ADK: variants seen among roughly 807,000 people sequenced by gnomAD.
ADK encodes N6,N6-dimethyladenosine kinase.
Under a neutral mutation model 44.7 loss-of-function variants are expected in ADK, and 24 were observed. The observed-to-expected ratio is 0.54, with a 90% CI of 0.39 to 0.76. The LOEUF is 0.76. Among genes scored for constraint, ADK ranks in the 30% least tolerant of loss-of-function variants. The probability of loss-of-function intolerance (pLI) is 0.00; values close to 1 mark genes in which losing one functional copy is unlikely to be tolerated. For synonymous variants in ADK, 128 were observed against 142.6 expected, an observed-to-expected ratio of 0.90 and a Z score of 0.73; for missense variants, 321 against 425.1, an observed-to-expected ratio of 0.76 and a Z score of 2.15.
chr10:74,460,747 C>T (rs1205599713), intron 6 of ADK, among the ~76,000 whole-genome samples: 1 of 152,058 alleles, frequency 6.6e-6, no homozygotes, highest in Non-Finnish European at 1.5e-5. Context: ...TTGTTTGTGT[C>T]CTCTCCTCTG....
intron 1 of ADK, among the ~76,000 whole-genome samples, chr10:74,163,658 G>A (rs1248802940): frequency 6.6e-6 from 1 of 152,206 alleles, no homozygotes; most frequent in Non-Finnish European, 1.5e-5. Context: ...AAATTCAGAT[G>A]TCTTAGGTTT....
chr10:74,578,210 C>T lies in ADK; in HGVS notation c.727-11072C>T, dbSNP rs556859196. On this transcript the variant is annotated intron_variant, in intron 7 of 10. Coordinates refer to ENST00000539909, the MANE Select transcript of ADK (RefSeq NM_006721.4). ...CTCCCCATCTGAGGTCTTCTTTCTT[C>T]TTTTCATCTAATTTTAAGCACTGAT... 3.3e-5 allele frequency among the ~76,000 whole-genome samples: 5 copies of T among 152,254 alleles called. No individual in the cohort carries two copies. In the East Asian group the frequency reaches 9.6e-4, roughly 29 times the overall value.
At chr10:74,669,411 A>G (rs937563961) in intron 9 of ADK, among the ~76,000 whole-genome samples, 4 of 152,224 alleles carry the variant, frequency 2.6e-5, no homozygotes, top group Non-Finnish European at 5.9e-5. Flanking sequence ...TTCATGACAG[A>G]TAAGTCCATT....
intron 6 of ADK, among the ~76,000 whole-genome samples, chr10:74,452,469 T>C (rs189227268): frequency 2.6e-4 from 39 of 152,204 alleles, no homozygotes; most frequent in African/African-American, 8.4e-4. Context: ...ATTGAAGCCA[T>C]GAATTTGTAA....
intron 4 of ADK, chr10:74,371,748 G>A: frequency 7.2e-7 from 1 of 1,391,216 alleles, no homozygotes; most frequent in South Asian, 1.2e-5. Context: ...TGAAAACCCT[G>A]CTGATGTCAG....
At chr10:74,413,710 G>T (rs187252178) in intron 6 of ADK, among the ~76,000 whole-genome samples, 15 of 152,264 alleles carry the variant, frequency 9.9e-5, no homozygotes, top group Non-Finnish European at 8.8e-5. Context: ...TTTTCTTCAA[G>T]AACTTTTTCT....
At chr10:74,472,385 A>G (rs1846626680) in intron 6 of ADK, among the ~76,000 whole-genome samples, 1 of 152,044 alleles carries the variant, frequency 6.6e-6, no homozygotes, top group Admixed American at 6.5e-5. Flanking sequence ...GAATTTTGCC[A>G]AATAGTTTTT....
At chr10:74,474,434 T>C in intron 6 of ADK, among the ~76,000 whole-genome samples, 1 of 152,024 alleles carries the variant, frequency 6.6e-6, no homozygotes, top group Admixed American at 6.6e-5. Context: ...CAGTAGTCTT[T>C]TCTTTTCTTT....
In ADK at chr10:74,619,012, T is replaced by TTGTGTGTGTGTG. The variant is rs56168944; in HGVS notation, c.877+18555_877+18566dup. Among the ~76,000 whole-genome samples, 309 of 139,466 alleles carry TTGTGTGTGTGTG rather than the reference T, an allele frequency of 2.2e-3. 1 individual carries two copies. Among genetic ancestry groups the TTGTGTGTGTGTG allele is most frequent in the African/African-American group, 5.9e-3 (217 of 36,938 alleles). The allele number at this position is 139,466 out of a possible 152,430, so 91.5% of individuals were successfully genotyped here. On this transcript the variant is annotated intron_variant, in intron 9 of 10. Coordinates refer to ENST00000539909, the MANE Select transcript of ADK (RefSeq NM_006721.4). ...GTATCCCATATGCCTTTTATGCTCT[T>TTGTGTGTGTGTG]TGTGTGTGTGTGTGTGTGTGTGTGT... is the stretch of plus-strand genomic sequence containing the variant.
At chr10:74,529,324 G>A (rs1444503502) in intron 7 of ADK, 1 of 152,050 alleles carries the variant, frequency 6.6e-6, no homozygotes, top group East Asian at 1.9e-4. Context: ...AATTCATAGA[G>A]ACACATAGTA....
At chr10:74,188,803 T>C (rs1282610939) in intron 1 of ADK, among the ~76,000 whole-genome samples, 1 of 152,068 alleles carries the variant, frequency 6.6e-6, no homozygotes, top group East Asian at 1.9e-4. Context: ...GACGGAGTCT[T>C]GCTCTGTTGC....
intron 9 of ADK, among the ~76,000 whole-genome samples, chr10:74,625,064 G>C (rs1384844571): frequency 6.6e-6 from 1 of 152,056 alleles, no homozygotes; most frequent in African/African-American, 2.4e-5. Flanking sequence ...AGTGCCTACT[G>C]TATGTCAAGA....
At chr10:74,567,690 GT>G (rs1237900534) in intron 7 of ADK, among the ~76,000 whole-genome samples, 2 of 122,772 alleles carry the variant, frequency 1.6e-5, no homozygotes, top group East Asian at 2.5e-4. Context: ...TGTTTTTTTT[GT>G]TTTTTTTGTT....
chr10:74,527,449 AT>A (rs1201722705), intron 7 of ADK: 2 of 508,024 alleles, frequency 3.9e-6, no homozygotes, highest in Non-Finnish European at 7.1e-6. Flanking sequence ...ATTGAATGCC[AT>A]AAAAAATGCT....
intron 1 of ADK, among the ~76,000 whole-genome samples, chr10:74,178,695 T>C (rs938784826): frequency 2.0e-5 from 3 of 152,228 alleles, no homozygotes; most frequent in African/African-American, 7.2e-5. Context: ...CCAGCCTTAC[T>C]TGACATGTTT....
At chr10:74,667,530 A>AT (rs71307708) in intron 9 of ADK, among the ~76,000 whole-genome samples, 33,235 of 140,298 alleles carry the variant, frequency 0.24, 5,007 homozygotes, top group East Asian at 0.68. Context: ...ATAAGTCATG[A>AT]TTTTTTTTTT....
At chr10:74,344,244 G>A (rs1203851744) in intron 4 of ADK, among the ~76,000 whole-genome samples, 1 of 152,128 alleles carries the variant, frequency 6.6e-6, no homozygotes, top group Admixed American at 6.5e-5. Context: ...AGAGTTTGTG[G>A]AGAATTGGTA....
chr10:74,556,936 C>T (rs983260826), intron 7 of ADK, among the ~76,000 whole-genome samples: 2 of 152,110 alleles, frequency 1.3e-5, no homozygotes, highest in African/African-American at 4.8e-5. Flanking sequence ...TAGGAACATA[C>T]CCCTCTTACT....
intron 9 of ADK, among the ~76,000 whole-genome samples, chr10:74,629,792 C>A (rs914098893): frequency 1.3e-5 from 2 of 152,042 alleles, no homozygotes; most frequent in Non-Finnish European, 2.9e-5. Context: ...TTGTGAAATA[C>A]AAATGAAATT....
Sources: allele counts gnomAD v4.1 joint callset (sites outside exome capture counted in the v4.1 genomes callset), GRCh38; gene constraint gnomAD v4.1.1; transcripts MANE v1.5; gene names NCBI Gene and HGNC (gene_info 2026-07-23, HGNC 2026-07-21).